The following NSMCE2 variants were observed in gnomAD, a reference collection of about 807,000 sequenced individuals.
The protein encoded by NSMCE2 is NSE2 SUMO ligase component of SMC5/6 complex.
Under a neutral mutation model 23.8 loss-of-function variants are expected in NSMCE2, and 24 were observed. The ratio of observed to expected loss-of-function variants is 1.01; its 90% CI spans 0.73 to 1.42. The LOEUF (loss-of-function observed/expected upper bound fraction) is 1.42. Among genes scored for constraint, NSMCE2 ranks in the 40% most tolerant of loss-of-function variants. The probability of loss-of-function intolerance (pLI) is 0.00; values close to 1 mark genes in which losing one functional copy is unlikely to be tolerated. For synonymous variants in NSMCE2, 92 were observed against 94.1 expected, an observed-to-expected ratio of 0.98 and a Z score of 0.13; for missense variants, 284 against 296.5, an observed-to-expected ratio of 0.96 and a Z score of 0.31.
At chr8:125,219,013 C>G (rs1824727563) in intron 5 of NSMCE2, among the ~76,000 whole-genome samples, 1 of 152,062 alleles carries the variant, frequency 6.6e-6, no homozygotes, top group African/African-American at 2.4e-5. Context: ...ATTTTAGTCC[C>G]CTGTGGTTAC....
chr8:125,317,768 A>G lies in NSMCE2; in HGVS notation c.419-39451A>G, dbSNP rs940873566. Among the ~76,000 whole-genome samples, 10 of 152,370 alleles carry G rather than the reference A, an allele frequency of 6.6e-5. 1 individual carries two copies. The highest frequency in any genetic ancestry group is 4.6e-4 in the Admixed American group (7 of 15,308). ...AAAGCCTTGCTAATGTCATGTATGTATACATCCAGAAAATATGCAAAATCT... is the reference window on the plus strand; with the variant it reads ...AAAGCCTTGCTAATGTCATGTATGTGTACATCCAGAAAATATGCAAAATCT... On this transcript the variant is annotated intron_variant, in intron 5 of 7. Coordinates refer to ENST00000287437, the MANE Select transcript of NSMCE2 (RefSeq NM_173685.4).
intron 5 of NSMCE2, among the ~76,000 whole-genome samples, chr8:125,321,985 A>T (rs1469882601): frequency 6.6e-6 from 1 of 152,092 alleles, no homozygotes; most frequent in South Asian, 2.1e-4. Flanking sequence ...TGTCACTTAC[A>T]TATTTTCTTT....
intron 7 of NSMCE2, among the ~76,000 whole-genome samples, chr8:125,360,850 G>C (rs1481927225): frequency 6.6e-6 from 1 of 152,006 alleles, no homozygotes; most frequent in Non-Finnish European, 1.5e-5. Flanking sequence ...TGTTTTTTTA[G>C]ACTGGAGTTC....
At chr8:125,144,282 A>C (rs2130640934) in intron 3 of NSMCE2, among the ~76,000 whole-genome samples, 1 of 152,318 alleles carries the variant, frequency 6.6e-6, no homozygotes, top group East Asian at 1.9e-4. Flanking sequence ...TAGTTGGTCA[A>C]AAAGCACATC....
intron 7 of NSMCE2, among the ~76,000 whole-genome samples, chr8:125,358,703 T>C (rs1166617061): frequency 6.6e-6 from 1 of 152,188 alleles, no homozygotes; most frequent in Non-Finnish European, 1.5e-5. Flanking sequence ...AATTGACTTC[T>C]GATAACAGTC....
intron 5 of NSMCE2, among the ~76,000 whole-genome samples, chr8:125,240,852 AC>A (rs1825740761): frequency 2.0e-5 from 3 of 152,192 alleles, no homozygotes; most frequent in Non-Finnish European, 4.4e-5. Flanking sequence ...AGGTATATAA[AC>A]ACAAAATGTT....
chr8:125,315,441 G>A (rs1338313071), intron 5 of NSMCE2, among the ~76,000 whole-genome samples: 2 of 152,180 alleles, frequency 1.3e-5, no homozygotes, highest in South Asian at 2.1e-4. Context: ...CTGACTTCTT[G>A]TATTAGCTGA....
intron 5 of NSMCE2, among the ~76,000 whole-genome samples, chr8:125,193,565 G>A (rs1219819248): frequency 6.6e-6 from 1 of 151,948 alleles, no homozygotes; most frequent in African/African-American, 2.4e-5. Context: ...TTCTTCACTA[G>A]TTTTCTATAA....
chr8:125,292,479 A>G (rs1828148908), intron 5 of NSMCE2, among the ~76,000 whole-genome samples: 1 of 152,018 alleles, frequency 6.6e-6, no homozygotes, highest in Non-Finnish European at 1.5e-5. Flanking sequence ...ACTTGAACCT[A>G]GGAGGCGGAG....
chr8:125,357,618 G>A (rs1490553605), intron 6 of NSMCE2, 94 bp from the exon 7 acceptor site: 1 of 878,402 alleles, frequency 1.1e-6, no homozygotes, highest in Non-Finnish European at 1.9e-6. Context: ...ATGAGAATGG[G>A]AAGTTAAACA....
intron 5 of NSMCE2, among the ~76,000 whole-genome samples, chr8:125,315,473 TCA>T (rs950655273): frequency 1.3e-5 from 2 of 152,210 alleles, no homozygotes; most frequent in African/African-American, 4.8e-5. Flanking sequence ...TGTCAAAACC[TCA>T]GTTTTCTCAT....
intron 4 of NSMCE2, among the ~76,000 whole-genome samples, chr8:125,167,438 G>A (rs1241678352): frequency 6.6e-6 from 1 of 152,044 alleles, no homozygotes; most frequent in African/African-American, 2.4e-5. Context: ...AGGCTGAGGC[G>A]GGCGGATCAT....
At chr8:125,178,015 G>C (rs1822581264) in intron 4 of NSMCE2, among the ~76,000 whole-genome samples, 1 of 152,140 alleles carries the variant, frequency 6.6e-6, no homozygotes, top group Non-Finnish European at 1.5e-5. Context: ...CTCACAACAA[G>C]AGTTGGTGAT....
intron 5 of NSMCE2, among the ~76,000 whole-genome samples, chr8:125,266,655 A>G (rs1177010540): frequency 6.6e-6 from 1 of 152,222 alleles, no homozygotes; most frequent in East Asian, 1.9e-4. Flanking sequence ...TTACTCCTGA[A>G]TAAGGTTCAG....
At chr8:125,233,179 A>G (rs1825402633) in intron 5 of NSMCE2, among the ~76,000 whole-genome samples, 1 of 152,228 alleles carries the variant, frequency 6.6e-6, no homozygotes, top group Non-Finnish European at 1.5e-5. Flanking sequence ...TAGGTATGTA[A>G]TTTAGACTTT....
rs147280993 is a variant in NSMCE2 at position 125,328,638 on chromosome 8, G to A, written c.419-28581G>A. Among the ~76,000 whole-genome samples, 191 of 152,306 alleles carry A rather than the reference G, an allele frequency of 1.3e-3. No homozygotes were observed. In the East Asian group the frequency reaches 0.019, roughly 15 times the overall value. ...TTGAGGATTCTCCACATGATTCACA[G>A]GCTGGTGCACAAATTCTCAATGTGT... is the stretch of plus-strand genomic sequence containing the variant. On this transcript the variant is annotated intron_variant, in intron 5 of 7. Coordinates refer to ENST00000287437, the MANE Select transcript of NSMCE2 (RefSeq NM_173685.4).
At chr8:125,158,812 C>T (rs976290018) in intron 4 of NSMCE2, among the ~76,000 whole-genome samples, 2 of 152,134 alleles carry the variant, frequency 1.3e-5, no homozygotes, top group African/African-American at 4.8e-5. Flanking sequence ...GGGCTAACTG[C>T]AGAAGAGAGA....
At chr8:125,178,204 G>A (rs766393292) in intron 4 of NSMCE2, among the ~76,000 whole-genome samples, 4 of 152,096 alleles carry the variant, frequency 2.6e-5, no homozygotes, top group Non-Finnish European at 5.9e-5. Context: ...CTTTCTCGCT[G>A]CCTGTTGGGT....
intron 5 of NSMCE2, among the ~76,000 whole-genome samples, chr8:125,193,434 A>G (rs975820439): frequency 6.6e-6 from 1 of 152,232 alleles, no homozygotes; most frequent in Admixed American, 6.5e-5. Context: ...AGATAAACAA[A>G]TGGCTAATAA....
Sources: gnomAD v4.1 joint callset for allele counts (sites outside exome capture counted in the v4.1 genomes callset) on GRCh38, gnomAD v4.1.1 for gene constraint, MANE v1.5 for transcripts, NCBI Gene and HGNC (gene_info 2026-07-23, HGNC 2026-07-21) for gene names.